ME1: variants seen among roughly 807,000 people sequenced by gnomAD.
ME1 encodes the protein malic enzyme 1, also known as NADP-dependent malic enzyme.
A neutral mutation model predicts 66.4 loss-of-function variants in ME1; 74 were observed. The observed-to-expected ratio is 1.11, with a 90% CI of 0.92 to 1.35. The LOEUF (loss-of-function observed/expected upper bound fraction) is 1.35. ME1 is among the 40% of genes most tolerant of loss of function. The pLI is 0.00. For missense variants in ME1, 750 were observed against 694.1 expected (o/e 1.08, Z -0.90); for synonymous variants, 251 against 235.6 (o/e 1.07, Z -0.60).
rs1162836939 is a variant in ME1, at chr6:83,223,945, A to G, written c.1276-12T>C. On this transcript the variant is annotated splice_polypyrimidine_tract_variant and intron_variant, in intron 11 of 13. Transcript: ENST00000369705. The stretch of plus-strand genomic sequence containing the variant: ...AAAATTGCACGTCCCTACAACAAAG[A>G]CACATACAACTCACTTTAAAAAGAA... 6.2e-7 allele frequency: 1 copy of G among 1,610,966 alleles called. No individual in the cohort carries two copies. The highest frequency in any genetic ancestry group is 8.5e-7 in the Non-Finnish European group (1 of 1,178,124).
Position 83,315,301 on chromosome 6 carries a change from G to A in ME1, c.704+9C>T. 4 of 1,528,666 alleles carry A rather than the reference G, an allele frequency of 2.6e-6. No homozygotes were observed. Among genetic ancestry groups the A allele is most frequent in the Non-Finnish European group, 3.6e-6 (4 of 1,107,428 alleles). 94.7% of individuals were successfully genotyped at this position (1,528,666 alleles called of 1,614,324 possible). Reference sequence around the variant, plus strand: ...CTGACTAAAATATAGGTTAAATAAAGATACATACTTGGAAGAAACTGCCTC... The same window carrying A: ...CTGACTAAAATATAGGTTAAATAAAAATACATACTTGGAAGAAACTGCCTC... On this transcript the variant is annotated intron_variant, in intron 6 of 13. Coordinates refer to ENST00000369705, the MANE Select transcript of ME1 (RefSeq NM_002395.6).
chr6:83,231,140 T>C (rs1044901047), intron 9 of ME1, among the ~76,000 whole-genome samples: 27 of 151,866 alleles, frequency 1.8e-4, no homozygotes, highest in Admixed American at 1.6e-3. Flanking sequence ...TGAGATATAA[T>C]GAAAAATATT....
At chr6:83,225,782 T>C (rs1012875964) in intron 11 of ME1, among the ~76,000 whole-genome samples, 13 of 147,360 alleles carry the variant, frequency 8.8e-5, no homozygotes, top group African/African-American at 3.2e-4. Flanking sequence ...TTTGGAAAAT[T>C]ATATTTGAGA....
At chr6:83,279,678 A>G (rs1231834905) in intron 6 of ME1, among the ~76,000 whole-genome samples, 2 of 152,208 alleles carry the variant, frequency 1.3e-5, no homozygotes, top group East Asian at 3.8e-4. Flanking sequence ...AATAATCACA[A>G]TGAGAATACA....
intron 5 of ME1, among the ~76,000 whole-genome samples, chr6:83,319,307 A>G (rs936248276): frequency 4.0e-5 from 6 of 151,282 alleles, no homozygotes; most frequent in Non-Finnish European, 8.9e-5. Flanking sequence ...GTATAATAAT[A>G]AAAAAAATAA....
intron 6 of ME1, among the ~76,000 whole-genome samples, chr6:83,297,710 A>G (rs1275718203): frequency 2.0e-5 from 3 of 152,102 alleles, no homozygotes; most frequent in African/African-American, 7.2e-5. Context: ...TAAGCCCCGC[A>G]TGCATTAGCT....
intron 3 of ME1, among the ~76,000 whole-genome samples, chr6:83,373,394 C>A (rs1241519827): frequency 6.6e-6 from 1 of 152,106 alleles, no homozygotes; most frequent in Non-Finnish European, 1.5e-5. Context: ...TGCCAACAAG[C>A]CCAGCTAATT....
chr6:83,259,680 AG>A (rs1253068872), intron 6 of ME1, among the ~76,000 whole-genome samples: 1 of 152,212 alleles, frequency 6.6e-6, no homozygotes, highest in Non-Finnish European at 1.5e-5. Context: ...TCTTCTTTGT[AG>A]GTAACAACGA....
chr6:83,271,744 C>T (rs892453222), intron 6 of ME1, among the ~76,000 whole-genome samples: 3 of 152,004 alleles, frequency 2.0e-5, no homozygotes, highest in African/African-American at 7.2e-5. Context: ...TGGGACATTC[C>T]AAATTCTCCA....
At chr6:83,372,895 T>C (rs974605774) in intron 3 of ME1, among the ~76,000 whole-genome samples, 1 of 152,232 alleles carries the variant, frequency 6.6e-6, no homozygotes, top group African/African-American at 2.4e-5. Context: ...ACAATGGTTA[T>C]GCTATGTCCA....
chr6:83,404,820 T>C (rs920926120), intron 2 of ME1, among the ~76,000 whole-genome samples: 3 of 152,182 alleles, frequency 2.0e-5, no homozygotes, highest in African/African-American at 7.2e-5. Context: ...TGGTTGTAGA[T>C]GTGTGGTGTT....
intron 5 of ME1, among the ~76,000 whole-genome samples, chr6:83,330,526 C>T (rs10046370): frequency 0.058 from 8,869 of 151,984 alleles, 478 homozygotes; most frequent in African/African-American, 0.14. Context: ...TAACACATGC[C>T]CCTGATAATT....
chr6:83,392,112 T>C (rs1324304594), intron 3 of ME1, among the ~76,000 whole-genome samples: 1 of 152,246 alleles, frequency 6.6e-6, no homozygotes, highest in Non-Finnish European at 1.5e-5. Context: ...TGCAGCTCTC[T>C]GCTCCTCCCA....
chr6:83,270,015 A>T (rs1767056656), intron 6 of ME1, among the ~76,000 whole-genome samples: 1 of 152,166 alleles, frequency 6.6e-6, no homozygotes, highest in South Asian at 2.1e-4. Flanking sequence ...CTGGATTTAT[A>T]GGTCTCTGTA....
chr6:83,358,398 G>A (rs184463919), intron 3 of ME1, among the ~76,000 whole-genome samples: 4 of 152,234 alleles, frequency 2.6e-5, no homozygotes, highest in African/African-American at 9.6e-5. Context: ...AGAAAATGAT[G>A]AACTCAGAGA....
chr6:83,237,117 A>G (rs890349639), intron 9 of ME1, among the ~76,000 whole-genome samples: 1 of 150,852 alleles, frequency 6.6e-6, no homozygotes, highest in African/African-American at 2.4e-5. Context: ...GATCACTTGA[A>G]AACAGGAGGT....
At chr6:83,256,134 T>A (rs1766763736) in intron 6 of ME1, among the ~76,000 whole-genome samples, 1 of 152,120 alleles carries the variant, frequency 6.6e-6, no homozygotes, top group Non-Finnish European at 1.5e-5. Flanking sequence ...ATACCGTGCA[T>A]CCTTAACTGT....
intron 5 of ME1, among the ~76,000 whole-genome samples, chr6:83,321,679 T>C (rs1768178672): frequency 6.6e-6 from 1 of 152,130 alleles, no homozygotes; most frequent in Non-Finnish European, 1.5e-5. Flanking sequence ...AACTCCTATC[T>C]CCCTGGGACA....
chr6:83,330,661 C>A (rs1197519331), intron 5 of ME1, among the ~76,000 whole-genome samples: 1 of 152,250 alleles, frequency 6.6e-6, no homozygotes, highest in East Asian at 1.9e-4. Context: ...TTGTTCTATA[C>A]AATCAGTATT....
Sources: gnomAD v4.1 joint callset for allele counts (sites outside exome capture counted in the v4.1 genomes callset) on GRCh38, gnomAD v4.1.1 for gene constraint, MANE v1.5 for transcripts, NCBI Gene and HGNC (gene_info 2026-07-23, HGNC 2026-07-21) for gene names.